The following PLXNB1 variants were observed in gnomAD, a reference collection of about 807,000 sequenced individuals.
PLXNB1 encodes plexin B1.
In PLXNB1, 106 loss-of-function variants were observed where a neutral mutation model predicts 209.4. The ratio of observed to expected loss-of-function variants is 0.51; its 90% CI spans 0.43 to 0.59. PLXNB1 has a LOEUF of 0.59. Ranked by LOEUF, PLXNB1 falls within the 20% of genes least tolerant of loss-of-function variation. The pLI, the probability that PLXNB1 is intolerant of heterozygous loss-of-function variation, is 0.00. For missense variants in PLXNB1, 2,357 were observed against 2,853.2 expected, an observed-to-expected ratio of 0.83 and a Z score of 3.96; for synonymous variants, 1,167 against 1,183.2, an observed-to-expected ratio of 0.99 and a Z score of 0.28.
chr3:48,409,199 C>A lies in PLXNB1; in HGVS notation c.6087+130G>T, dbSNP rs533634478. On this transcript the variant is annotated intron_variant, in intron 34 of 37. Coordinates refer to ENST00000296440, the MANE Select transcript of PLXNB1 (RefSeq NM_001130082.3). This position sits in a 1 kb window ranked among gnomAD's most constrained non-coding sequence, Gnocchi z 5.8. The stretch of plus-strand genomic sequence containing the variant: ...AAACTGAGGTGGCCCCGGGATGAAG[C>A]CTTGGCTTGGGAGGTCAGAGGTCTC... The A allele has an allele frequency of 2.2e-5, 23 of 1,068,224 alleles. No homozygotes were observed. In the South Asian group the frequency reaches 3.7e-4, roughly 17 times the overall value. The allele number at this position is 1,068,224 out of a possible 1,614,324, so 66.2% of individuals were successfully genotyped here.
Position 48,409,836 on chromosome 3 carries a change from C to T in PLXNB1, c.5778+69G>A. 1 of 1,578,986 alleles carries T rather than the reference C, an allele frequency of 6.3e-7. No homozygotes were observed. The highest frequency in any genetic ancestry group is 8.6e-7 in the Non-Finnish European group (1 of 1,157,670). On this transcript the variant is annotated intron_variant, in intron 32 of 37. Coordinates refer to ENST00000296440, the MANE Select transcript of PLXNB1 (RefSeq NM_001130082.3). The surrounding 1 kb of genome is among the most constrained non-coding windows in gnomAD (Gnocchi z 5.8). ...TGTGCCTGCACGAGCCCCACACCAC[C>T]CCCAAATCCCACGAGTGGCCATGCT...
intron 3 of PLXNB1, 90 bp downstream of exon 3, chr3:48,423,415 G>T: frequency 7.1e-7 from 1 of 1,400,352 alleles, no homozygotes; most frequent in Non-Finnish European, 9.9e-7. Flanking sequence ...ACCACCAGCT[G>T]CCCTCGGACT....
chr3:48,414,483 C>T (rs577586753), intron 21 of PLXNB1, among the ~76,000 whole-genome samples: 86 of 152,310 alleles, frequency 5.6e-4, no homozygotes, highest in Non-Finnish European at 9.7e-4. Flanking sequence ...AGGCTGCCAA[C>T]GGGGGTCAGC....
At chr3:48,412,354 G>A in intron 26 of PLXNB1, 50 bp from the exon 27 acceptor site, 1 of 1,611,240 alleles carries the variant, frequency 6.2e-7, no homozygotes, top group Non-Finnish European at 8.5e-7. Flanking sequence ...GGGGCTGCGG[G>A]CCTCTCTATC....
At position 48,421,060 on chromosome 3, in the gene PLXNB1, G is replaced by A. The variant is rs2038484027; in HGVS notation, c.1811-104C>T. ...AATGGGGAAGAGGACCCGGGATGAGGGAATACAGTCCAAGGGCACAGAATG... is the reference window on the plus strand; with the variant it reads ...AATGGGGAAGAGGACCCGGGATGAGAGAATACAGTCCAAGGGCACAGAATG... On this transcript the variant is annotated intron_variant, in intron 8 of 37. Coordinates refer to ENST00000296440, the MANE Select transcript of PLXNB1 (RefSeq NM_001130082.3). 1.1e-5 allele frequency: 14 copies of A among 1,265,202 alleles called. No individual in the cohort carries two copies. The South Asian group carries it at 1.8e-4, about 16-fold the overall frequency. 78.4% of individuals were successfully genotyped at this position (1,265,202 alleles called of 1,614,324 possible).
chr3:48,424,643 T>TG lies in PLXNB1; in HGVS notation c.-6-27dup, dbSNP rs969466543. Reference sequence around the variant, plus strand: ...CTGGCAGGAAGAGAGGTCGAGAGAGTGGGGCTCACGTGGCCGCCAGAGCAC... The same window carrying TG: ...CTGGCAGGAAGAGAGGTCGAGAGAGTGGGGGCTCACGTGGCCGCCAGAGCAC... On this transcript the variant is annotated intron_variant, in intron 2 of 37. Transcript: ENST00000296440. The TG allele has an allele frequency of 7.2e-6, 11 of 1,527,930 alleles. No homozygotes were observed. In the African/African-American group the frequency reaches 1.5e-4, roughly 21 times the overall value. 94.6% of individuals were successfully genotyped at this position (1,527,930 alleles called of 1,614,324 possible).
chr3:48,419,130 C>T lies in PLXNB1; in HGVS notation c.2833-91G>A. On this transcript the variant is annotated intron_variant, in intron 12 of 37. Coordinates refer to ENST00000296440, the MANE Select transcript of PLXNB1 (RefSeq NM_001130082.3). The surrounding 1 kb of genome is among the most constrained non-coding windows in gnomAD (Gnocchi z 5.7). ...CCCAACAGATCCCCCAGCACAGCTT[C>T]TGGGTTGGAGTTGAGCCCTCGGACT... 6.3e-7 allele frequency: 1 copy of T among 1,579,488 alleles called. No homozygotes were observed. Among genetic ancestry groups the T allele is most frequent in the Non-Finnish European group, 8.6e-7 (1 of 1,157,820 alleles).
In PLXNB1 at chr3:48,419,940, G is replaced by C; in HGVS notation, c.2346C>G (p.Ala782=). Residue 782 remains alanine (A), a synonymous_variant, in exon 11 of 38, where the codon GCC becomes GCG. Transcript: ENST00000296440. The surrounding 1 kb of genome is among the most constrained non-coding windows in gnomAD (Gnocchi z 5.7). ...VPAPTDFRPS[A]TPEDLLASPL... is the part of the protein sequence containing the mutation. ...GGGAGGCCAAGAGGTCCTCAGGTGT[G>C]GCTGAGGGTCTGAAGTCAGTGGGGG... 6.4e-7 allele frequency: 1 copy of C among 1,574,020 alleles called. No homozygotes were observed.
At position 48,419,784 on chromosome 3, in the gene PLXNB1, G is replaced by A. The variant is rs528799252; in HGVS notation, c.2502C>T (p.Ser834=). Reference sequence around the variant, plus strand: ...TGAGCCAGTCCAGGGCGGGCTTCACGGAGCCCATGGCCCCTGGGAAAGTGG... The same window carrying A: ...TGAGCCAGTCCAGGGCGGGCTTCACAGAGCCCATGGCCCCTGGGAAAGTGG... ...PATTFPGAMG[S]VKPALDWLTR... Residue 834 remains serine, a synonymous_variant, in exon 11 of 38, where the codon TCC becomes TCT. Coordinates refer to ENST00000296440, the MANE Select transcript of PLXNB1 (RefSeq NM_001130082.3). The surrounding 1 kb of genome is among the most constrained non-coding windows in gnomAD (Gnocchi z 5.7). 5.6e-6 allele frequency: 9 copies of A among 1,601,056 alleles called. No individual in the cohort carries two copies. The highest frequency in any genetic ancestry group is 4.5e-5 in the South Asian group (4 of 89,368).
rs908629043 is a variant in PLXNB1, at chr3:48,413,248, C to A, written c.4536-79G>T. 2 of 1,134,010 alleles carry A rather than the reference C, an allele frequency of 1.8e-6. No homozygotes were observed. Among genetic ancestry groups the A allele is most frequent in the African/African-American group, 3.0e-5 (2 of 66,328 alleles). The allele number at this position is 1,134,010 out of a possible 1,614,324, so 70.2% of individuals were successfully genotyped here. A position where few individuals can be genotyped will look rare whatever the true frequency, so the allele number is the denominator to read the frequency against. On this transcript the variant is annotated intron_variant, in intron 23 of 37. Coordinates refer to ENST00000296440, the MANE Select transcript of PLXNB1 (RefSeq NM_001130082.3). This position sits in a 1 kb window ranked among gnomAD's most constrained non-coding sequence, Gnocchi z 5.4. ...GCCTGCCTGACAATCCCCAGGCACA[C>A]CCCGGCCTCATCCAGCACAGTCCAA...
intron 3 of PLXNB1, among the ~76,000 whole-genome samples, 171 bp downstream of exon 3, chr3:48,423,333 GT>G (rs2038656184): frequency 6.6e-6 from 1 of 152,132 alleles, no homozygotes; most frequent in Non-Finnish European, 1.5e-5. Flanking sequence ...CAGATTTGTG[GT>G]AAGGTACCCT....
rs759288511 is a variant in PLXNB1 at position 48,413,689 on chromosome 3, T to C, written c.4516A>G (p.Ile1506Val). The change falls in exon 23 of 38, where the codon ATC (isoleucine) becomes GTC (valine). Residue 1506 changes from isoleucine (I) to valine (V), a missense_variant. Ile to Val is a conservative substitution (Grantham distance 29). Around this residue, in one of 7 missense-constraint regions of PLXNB1, gnomAD observed 743 missense variants for 896.2 expected, o/e 0.83. Transcript: ENST00000296440. This position sits in a 1 kb window ranked among gnomAD's most constrained non-coding sequence, Gnocchi z 5.4. ...GTSLLALGVI[I>V]IVLMYRRKSK... is the part of the protein sequence containing the mutation. ...ACCCACCTGTACATGAGGACAATGA[T>C]GATGACACCCAGAGCCAGAAGAGAG... is the stretch of plus-strand genomic sequence containing the variant. 5 of 1,613,344 alleles carry C rather than the reference T, an allele frequency of 3.1e-6. No individual in the cohort carries two copies. In the East Asian group the frequency reaches 8.9e-5, roughly 29 times the overall value.
chr3:48,420,939 C>G lies in PLXNB1; in HGVS notation c.1828G>C (p.Val610Leu), dbSNP rs377145799. 1.2e-6 allele frequency: 2 copies of G among 1,613,422 alleles called. No individual in the cohort carries two copies. Among genetic ancestry groups the G allele is most frequent in the Non-Finnish European group, 1.7e-6 (2 of 1,179,522 alleles). The change falls in exon 9 of 38, where the codon GTG becomes CTG. Residue 610 changes from valine to leucine, a missense_variant. Physicochemically the swap from Val to Leu is conservative, Grantham distance 32. Transcript: ENST00000296440. The stretch of plus-strand genomic sequence containing the variant: ...ACAACAGCGCCAAATCTGAGCTCCA[C>G]GCTCACGGATACGTAGTCTGCAGAG... The part of the protein sequence containing the change: ...PRGADYVSVS[V>L]ELRFGAVVIA...
At chr3:48,408,135 C>T (rs113393547) in intron 34 of PLXNB1, among the ~76,000 whole-genome samples, 5,771 of 152,216 alleles carry the variant, frequency 0.038, 382 homozygotes, top group African/African-American at 0.13. Context: ...CTCAGCCTCC[C>T]TAGTAGCTGG....
chr3:48,408,723 T>A (rs945223124), intron 34 of PLXNB1, among the ~76,000 whole-genome samples: 7 of 152,092 alleles, frequency 4.6e-5, no homozygotes, highest in Admixed American at 1.3e-4. Flanking sequence ...CATGTCTCTA[T>A]CTGGAAACCC....
intron 10 of PLXNB1, 24 bp from the exon 11 acceptor site, chr3:48,420,281 C>T: frequency 6.9e-7 from 1 of 1,442,202 alleles, no homozygotes. Flanking sequence ...CAGAGGAAGA[C>T]AGGAAGGGCC....
At chr3:48,420,301 G>A (rs1382634721) in intron 10 of PLXNB1, 44 bp from the exon 11 acceptor site, 3 of 1,191,492 alleles carry the variant, frequency 2.5e-6, no homozygotes, top group Admixed American at 4.2e-5. Context: ...CACTCAGCAG[G>A]CAGGCGCGGG....
rs192227026 is a variant in PLXNB1 at position 48,423,563 on chromosome 3, C to G, written c.1049G>C (p.Gly350Ala). The G allele has an allele frequency of 1.8e-4, 293 of 1,614,208 alleles. 1 individual carries two copies. The highest frequency in any genetic ancestry group is 1.6e-3 in the South Asian group (150 of 91,082). ...CYTREGRAEDGTEVAYIEYDV... is the reference protein window; with the variant it reads ...CYTREGRAEDATEVAYIEYDV... ...ATACTCGATGTAGGCCACCTCGGTC[C>G]CATCCTCAGCACGACCCTCCCGGGT... Residue 350 changes from glycine to alanine, a missense_variant, in exon 3 of 38, where the codon GGG becomes GCG. Physicochemically the swap from Gly to Ala is moderately conservative, Grantham distance 60. Transcript: ENST00000296440.
chr3:48,420,535 C>T (rs1240404968), intron 10 of PLXNB1, 130 bp downstream of exon 10: 1 of 738,356 alleles, frequency 1.4e-6, no homozygotes, highest in Non-Finnish European at 2.3e-6. Context: ...CCAGGGAGTC[C>T]GTCACATACA....
Sources: allele counts gnomAD v4.1 joint callset (sites outside exome capture counted in the v4.1 genomes callset), GRCh38; gene constraint gnomAD v4.1.1; regional missense constraint gnomAD v4.1.1; non-coding constraint Gnocchi (gnomAD v3.1); transcripts MANE v1.5; gene names NCBI Gene and HGNC (gene_info 2026-07-23, HGNC 2026-07-21).